NTNG1: variants seen among roughly 807,000 people sequenced by gnomAD.
The protein encoded by NTNG1 is netrin G1.
In NTNG1, 16 loss-of-function variants were observed where a neutral mutation model predicts 54.0. The ratio of observed to expected loss-of-function variants is 0.30; its 90% CI spans 0.20 to 0.45. The LOEUF is 0.45. Among genes scored for constraint, NTNG1 ranks in the 20% least tolerant of loss-of-function variants. The pLI is 1.00. For synonymous variants in NTNG1, 255 were observed against 263.1 expected, an observed-to-expected ratio of 0.97 and a Z score of 0.30; for missense variants, 530 against 678.7, an observed-to-expected ratio of 0.78 and a Z score of 2.43.
At chr1:107,394,303 G>T (rs773212445) in intron 3 of NTNG1, among the ~76,000 whole-genome samples, 1 of 152,124 alleles carries the variant, frequency 6.6e-6, no homozygotes, top group South Asian at 2.1e-4. Context: ...CAAAGACTTC[G>T]GGCATTGGGA....
chr1:107,200,617 T>C (rs12119533), intron 2 of NTNG1, among the ~76,000 whole-genome samples: 6,966 of 151,932 alleles, frequency 0.046, 161 homozygotes, highest in African/African-American at 0.054. Flanking sequence ...TCATGAGGAA[T>C]ACTTCAAAGC....
intron 2 of NTNG1, among the ~76,000 whole-genome samples, chr1:107,157,736 T>A (rs1655108151): frequency 6.6e-6 from 1 of 152,150 alleles, no homozygotes; most frequent in Non-Finnish European, 1.5e-5. Flanking sequence ...TATTTCTAAC[T>A]GTAAGAGTTT....
At chr1:107,374,984 T>C (rs1338397525) in intron 3 of NTNG1, among the ~76,000 whole-genome samples, 1 of 152,216 alleles carries the variant, frequency 6.6e-6, no homozygotes, top group Non-Finnish European at 1.5e-5. Context: ...CCCTGTGAAT[T>C]AGAGATTTTC....
rs552419993 is a variant in NTNG1 at position 107,483,433 on chromosome 1, CT to C, written c.*2597del. On this transcript the variant is annotated 3_prime_UTR_variant, in exon 8 of 8. Coordinates refer to ENST00000370068, the MANE Select transcript of NTNG1 (RefSeq NM_001113226.3). ...GAATTTCCTGAAGCGATGTGATCTG[CT>C]TTTAATAAAAATTCACTTTTAGGTG... The C allele has an allele frequency of 2.8e-4, 43 of 152,322 alleles. No homozygotes were observed. The highest frequency in any genetic ancestry group is 1.0e-3 in the African/African-American group (43 of 41,570). The allele number at this position is 152,322 out of a possible 1,614,324, so 9.4% of individuals were successfully genotyped here.
chr1:107,474,302 G>A (rs7553134), intron 7 of NTNG1, among the ~76,000 whole-genome samples: 19,110 of 152,126 alleles, frequency 0.13, 1,278 homozygotes, highest in African/African-American at 0.14. Context: ...TCAGTCTGAG[G>A]TAAACCCACA....
intron 2 of NTNG1, among the ~76,000 whole-genome samples, chr1:107,270,994 G>A (rs12739459): frequency 0.57 from 86,274 of 151,658 alleles, 27,721 homozygotes; most frequent in Non-Finnish European, 0.72. Flanking sequence ...GAAATTATAA[G>A]CAACAGAAAG....
intron 7 of NTNG1, among the ~76,000 whole-genome samples, chr1:107,452,072 C>A (rs1030827340): frequency 4.6e-5 from 7 of 152,104 alleles, no homozygotes; most frequent in Non-Finnish European, 7.4e-5. Context: ...GATTTCACTT[C>A]TCTAAAAAAA....
chr1:107,260,544 C>T (rs954847160), intron 2 of NTNG1, among the ~76,000 whole-genome samples: 3 of 152,114 alleles, frequency 2.0e-5, no homozygotes, highest in East Asian at 1.9e-4. Flanking sequence ...GTCACGTGCC[C>T]GTAGAAGCAC....
intron 2 of NTNG1, among the ~76,000 whole-genome samples, chr1:107,157,048 G>C (rs1051217765): frequency 6.6e-6 from 1 of 152,088 alleles, no homozygotes; most frequent in Non-Finnish European, 1.5e-5. Context: ...CAAAACAAAA[G>C]CTTCACAAAA....
At chr1:107,186,040 TCA>T (rs1253955517) in intron 2 of NTNG1, among the ~76,000 whole-genome samples, 1 of 152,154 alleles carries the variant, frequency 6.6e-6, no homozygotes, top group Non-Finnish European at 1.5e-5. Context: ...CTCCCACTCT[TCA>T]GAGTCTCCAA....
chr1:107,145,749 C>G (rs1225948799), intron 1 of NTNG1, among the ~76,000 whole-genome samples: 1 of 152,070 alleles, frequency 6.6e-6, no homozygotes, highest in Non-Finnish European at 1.5e-5. Context: ...AGTCCTGCAA[C>G]TGCCTAATAT....
At chr1:107,157,665 T>A (rs919806166) in intron 2 of NTNG1, among the ~76,000 whole-genome samples, 1 of 152,178 alleles carries the variant, frequency 6.6e-6, no homozygotes, top group African/African-American at 2.4e-5. Context: ...TCATTTTTTT[T>A]AAAGATGCAT....
chr1:107,225,856 C>T (rs959557033), intron 2 of NTNG1, among the ~76,000 whole-genome samples: 2 of 152,070 alleles, frequency 1.3e-5, no homozygotes, highest in Non-Finnish European at 2.9e-5. Context: ...GGGCAATTAA[C>T]ATATGAATTG....
At chr1:107,439,016 C>A (rs1292067797) in intron 7 of NTNG1, among the ~76,000 whole-genome samples, 1 of 152,004 alleles carries the variant, frequency 6.6e-6, no homozygotes, top group African/African-American at 2.4e-5. Flanking sequence ...TGGTAGGGCA[C>A]AGAAGGATGA....
chr1:107,191,979 C>T (rs1657984332), intron 2 of NTNG1, among the ~76,000 whole-genome samples: 1 of 152,092 alleles, frequency 6.6e-6, no homozygotes, highest in Non-Finnish European at 1.5e-5. Context: ...TCATTGGTAG[C>T]TTGATGGGGA....
chr1:107,379,606 C>T (rs1258824782), intron 3 of NTNG1, among the ~76,000 whole-genome samples: 1 of 152,052 alleles, frequency 6.6e-6, no homozygotes, highest in Non-Finnish European at 1.5e-5. Context: ...TCTCTAGTGC[C>T]CTATCAGCCC....
chr1:107,445,324 A>T (rs1676242384), intron 7 of NTNG1, among the ~76,000 whole-genome samples: 1 of 152,096 alleles, frequency 6.6e-6, no homozygotes, highest in Non-Finnish European at 1.5e-5. Context: ...TGGATATTCC[A>T]AGGTTCCTTC....
At chr1:107,414,226 G>A (rs1674041969) in intron 5 of NTNG1, among the ~76,000 whole-genome samples, 1 of 152,042 alleles carries the variant, frequency 6.6e-6, no homozygotes, top group South Asian at 2.1e-4. Context: ...TTCCTTGGGT[G>A]CAGAAGAGCA....
intron 2 of NTNG1, among the ~76,000 whole-genome samples, chr1:107,279,253 T>C (rs1435331656): frequency 6.6e-6 from 1 of 152,198 alleles, no homozygotes; most frequent in Non-Finnish European, 1.5e-5. Flanking sequence ...TCTATACTTT[T>C]TTGTACAGTT....
Sources: allele counts gnomAD v4.1 joint callset (sites outside exome capture counted in the v4.1 genomes callset), GRCh38; gene constraint gnomAD v4.1.1; transcripts MANE v1.5; gene names NCBI Gene and HGNC (gene_info 2026-07-23, HGNC 2026-07-21).